Variants in STAU2 observed in about 807,000 individuals in gnomAD.
STAU2 encodes the protein double-stranded RNA-binding protein Staufen homolog 2.
In STAU2, 20 loss-of-function variants were observed where a neutral mutation model predicts 65.9. The ratio of observed to expected loss-of-function variants is 0.30; its 90% confidence interval spans 0.21 to 0.44. The LOEUF (loss-of-function observed/expected upper bound fraction) is 0.44, where lower values mean the gene tolerates loss of function less well. Among genes scored for constraint, STAU2 ranks in the 20% least tolerant of loss-of-function variants. STAU2 has a pLI of 1.00. For synonymous variants in STAU2, 232 were observed against 233.9 expected (o/e 0.99, Z 0.07); for missense variants, 558 against 683.9 (o/e 0.82, Z 2.05).
At chr8:73,481,871 T>C (rs1017533973) in intron 13 of STAU2, among the ~76,000 whole-genome samples, 1 of 152,142 alleles carries the variant, frequency 6.6e-6, no homozygotes, top group African/African-American at 2.4e-5. Flanking sequence ...AACAACTCTA[T>C]AGGGCAGCGC....
chr8:73,519,863 C>T (rs1434270787), intron 13 of STAU2, among the ~76,000 whole-genome samples: 1 of 152,170 alleles, frequency 6.6e-6, no homozygotes, highest in Non-Finnish European at 1.5e-5. Flanking sequence ...GGTAGACCAA[C>T]ATGAAGAGAT....
At chr8:73,457,407 C>T (rs1819126531) in intron 13 of STAU2, among the ~76,000 whole-genome samples, 1 of 152,248 alleles carries the variant, frequency 6.6e-6, no homozygotes, top group South Asian at 2.1e-4. Context: ...GGCCTCCACA[C>T]TCTTACACTC....
chr8:73,718,865 T>G (rs1350574223), intron 3 of STAU2, among the ~76,000 whole-genome samples: 1 of 152,216 alleles, frequency 6.6e-6, no homozygotes, highest in Admixed American at 6.5e-5. Context: ...ACACAATTGG[T>G]TTTTGCATAC....
At chr8:73,591,876 C>A (rs1409498414) in intron 11 of STAU2, among the ~76,000 whole-genome samples, 5 of 99,582 alleles carry the variant, frequency 5.0e-5, no homozygotes, top group African/African-American at 8.4e-5. Flanking sequence ...GCGTGTATCC[C>A]AGAGGTAAAA....
chr8:73,690,726 A>T (rs1819273971), intron 4 of STAU2, among the ~76,000 whole-genome samples: 1 of 152,222 alleles, frequency 6.6e-6, no homozygotes. Context: ...AGTGTCTATT[A>T]CACCACTCTT....
At chr8:73,551,550 C>G (rs1403923739) in intron 13 of STAU2, 2 of 987,498 alleles carry the variant, frequency 2.0e-6, no homozygotes, top group Non-Finnish European at 2.4e-6. Context: ...GTACCTGAAT[C>G]AATACTAGCA....
At chr8:73,672,999 G>A in intron 6 of STAU2, 108 bp downstream of exon 6, 2 of 1,067,976 alleles carry the variant, frequency 1.9e-6, no homozygotes, top group Non-Finnish European at 2.5e-6. Context: ...CATGCACAAT[G>A]CCCAAGGTCA....
chr8:73,509,304 A>T (rs936682193), intron 13 of STAU2, among the ~76,000 whole-genome samples: 10 of 152,070 alleles, frequency 6.6e-5, no homozygotes, highest in Non-Finnish European at 1.2e-4. Context: ...CTTTGGGTGA[A>T]CTGTCTGTTC....
intron 13 of STAU2, among the ~76,000 whole-genome samples, chr8:73,489,279 G>A (rs966631649): frequency 1.3e-5 from 2 of 151,860 alleles, no homozygotes; most frequent in Non-Finnish European, 2.9e-5. Context: ...TTACTGAAAA[G>A]AGACTATAAG....
intron 6 of STAU2, chr8:73,672,093 A>G (rs1480470589): frequency 1.3e-5 from 2 of 152,216 alleles, no homozygotes; most frequent in Non-Finnish European, 2.9e-5. Flanking sequence ...TTAAGTGAAA[A>G]GAGAGTGCTT....
intron 13 of STAU2, among the ~76,000 whole-genome samples, chr8:73,515,391 T>C (rs1468926221): frequency 6.6e-6 from 1 of 152,260 alleles, no homozygotes; most frequent in African/African-American, 2.4e-5. Flanking sequence ...TGATACTCTC[T>C]GGATTTCATA....
At chr8:73,510,871 A>C (rs1822358555) in intron 13 of STAU2, among the ~76,000 whole-genome samples, 1 of 152,240 alleles carries the variant, frequency 6.6e-6, no homozygotes, top group South Asian at 2.1e-4. Flanking sequence ...TTTGGTGCCA[A>C]GCCTTATCAA....
chr8:73,559,568 G>C (rs963875690), intron 12 of STAU2, among the ~76,000 whole-genome samples: 1 of 152,178 alleles, frequency 6.6e-6, no homozygotes, highest in South Asian at 2.1e-4. Flanking sequence ...TTCTCTCCCA[G>C]GGTAGCCTGA....
chr8:73,587,980 AG>A (rs1234583126), intron 11 of STAU2, among the ~76,000 whole-genome samples: 2 of 152,208 alleles, frequency 1.3e-5, no homozygotes, highest in Admixed American at 6.5e-5. Context: ...AAAAAAGAGT[AG>A]TCATGTCTTG....
At chr8:73,567,233 C>T (rs879875342) in intron 12 of STAU2, among the ~76,000 whole-genome samples, 3 of 152,070 alleles carry the variant, frequency 2.0e-5, no homozygotes, top group African/African-American at 7.2e-5. Flanking sequence ...AAAGGCCGGG[C>T]GCAGTGGTTC....
At chr8:73,592,944 A>G (rs1810931362) in intron 11 of STAU2, among the ~76,000 whole-genome samples, 1 of 152,176 alleles carries the variant, frequency 6.6e-6, no homozygotes, top group South Asian at 2.1e-4. Flanking sequence ...ATAAATCAAT[A>G]TATTCAGTCC....
chr8:73,633,206 C>A (rs1269902697), intron 6 of STAU2, among the ~76,000 whole-genome samples: 1 of 152,168 alleles, frequency 6.6e-6, no homozygotes, highest in Non-Finnish European at 1.5e-5. Flanking sequence ...CTCACAATAG[C>A]CTGATAAGGC....
intron 6 of STAU2, among the ~76,000 whole-genome samples, chr8:73,643,938 T>G (rs897036336): frequency 2.0e-5 from 3 of 152,226 alleles, no homozygotes; most frequent in Non-Finnish European, 2.9e-5. Flanking sequence ...CAGCTGCACC[T>G]CTGGTAAGCC....
At chr8:73,432,479 A>C (rs568968177) in intron 13 of STAU2, among the ~76,000 whole-genome samples, 1 of 152,312 alleles carries the variant, frequency 6.6e-6, no homozygotes, top group Non-Finnish European at 1.5e-5. Context: ...GTCAATATTA[A>C]TATTTCTAAG....
Sources: allele counts gnomAD v4.1 joint callset (sites outside exome capture counted in the v4.1 genomes callset), GRCh38; gene constraint gnomAD v4.1.1; transcripts MANE v1.5; gene names NCBI Gene and HGNC (gene_info 2026-07-23, HGNC 2026-07-21).